ACOT12: variants seen among roughly 807,000 people sequenced by gnomAD.
ACOT12 encodes the protein acetyl-coenzyme A thioesterase.
Under a neutral mutation model 67.7 loss-of-function variants are expected in ACOT12, and 51 were observed. The observed-to-expected ratio is 0.75, with a 90% CI of 0.60 to 0.95. The LOEUF (loss-of-function observed/expected upper bound fraction) is 0.95, where lower values mean the gene tolerates loss of function less well. ACOT12 is among the 40% of genes least tolerant of loss of function. The probability of loss-of-function intolerance (pLI) is 0.00; values close to 1 mark genes in which losing one functional copy is unlikely to be tolerated. For synonymous variants in ACOT12, 251 were observed against 244.6 expected, an observed-to-expected ratio of 1.03 and a Z score of -0.24; for missense variants, 734 against 708.1, an observed-to-expected ratio of 1.04 and a Z score of -0.41.
chr5:81,344,192 TC>T lies in ACOT12; in HGVS notation c.947del (p.Gly316GlufsTer10), dbSNP rs757937717. On this transcript the variant is annotated frameshift_variant, in exon 9 of 15. Coordinates refer to ENST00000307624, the MANE Select transcript of ACOT12 (RefSeq NM_130767.3). LOFTEE classifies it high-confidence loss of function. ...ISKDDFRRYR[G>X]AIARKRIRLG... The stretch of plus-strand genomic sequence containing the variant: ...GGCGAATTCGCTTGCGTGCAATAGC[TC>T]CCCGATAGCGTCTGAAATCATCCTT... The T allele has an allele frequency of 3.1e-6, 5 of 1,613,520 alleles. No homozygotes were observed. The South Asian group carries it at 4.4e-5, about 14-fold the overall frequency.
chr5:81,332,664 C>A, intron 12 of ACOT12, 59 bp from the exon 13 acceptor site: 1 of 1,594,984 alleles, frequency 6.3e-7, no homozygotes, highest in Non-Finnish European at 8.6e-7. Context: ...GCATTCACTT[C>A]CCTTATTTGC....
chr5:81,334,662 C>T (rs1201673088), intron 12 of ACOT12, among the ~76,000 whole-genome samples: 1 of 152,214 alleles, frequency 6.6e-6, no homozygotes, highest in Non-Finnish European at 1.5e-5. Context: ...GAAGATGAGC[C>T]TCTATCTTGT....
rs775325942 is a variant in ACOT12, at chr5:81,363,852, C to T, written c.296G>A (p.Gly99Asp). 8 of 1,611,596 alleles carry T rather than the reference C, an allele frequency of 5.0e-6. No individual in the cohort carries two copies. Among genetic ancestry groups the T allele is most frequent in the South Asian group, 2.2e-5 (2 of 90,792 alleles). Residue 99 changes from glycine to aspartate, a missense_variant, in exon 4 of 15, where the codon GGC (glycine) becomes GAC (aspartate). By Grantham distance (94) the Gly-to-Asp change is moderately conservative. Coordinates refer to ENST00000307624, the MANE Select transcript of ACOT12 (RefSeq NM_130767.3). Reference protein sequence around the residue: ...IKVMVQDMLTGIEKLVSVAFS... With the variant: ...IKVMVQDMLTDIEKLVSVAFS... ...AGCCACACTAACAAGCTTCTCAATG[C>T]CAGTGAGCATATCCTGTACCATGAC...
intron 5 of ACOT12, among the ~76,000 whole-genome samples, chr5:81,357,143 C>G (rs908673395): frequency 4.6e-5 from 7 of 152,140 alleles, no homozygotes; most frequent in Non-Finnish European, 1.0e-4. Context: ...TCCTCGCCTT[C>G]CCAACTTTCT....
chr5:81,364,122 C>T (rs1023915822), intron 3 of ACOT12, among the ~76,000 whole-genome samples: 11 of 151,624 alleles, frequency 7.3e-5, no homozygotes, highest in Non-Finnish European at 1.3e-4. Context: ...TGGAATCTGA[C>T]TATCCAGAGT....
At chr5:81,343,532 C>T (rs933952116) in intron 10 of ACOT12, among the ~76,000 whole-genome samples, 4 of 152,180 alleles carry the variant, frequency 2.6e-5, no homozygotes, top group South Asian at 4.1e-4. Flanking sequence ...GCACAAGTCA[C>T]GGTGAGATAC....
Position 81,332,467 on chromosome 5 carries a change from A to G in ACOT12, c.1391+10T>C. ...AATATTAATAGAACACTTGGACTGC[A>G]TATACTCACCCATCTTTGAGGGGTT... On this transcript the variant is annotated intron_variant, in intron 13 of 14. Coordinates refer to ENST00000307624, the MANE Select transcript of ACOT12 (RefSeq NM_130767.3). The G allele has an allele frequency of 6.2e-7, 1 of 1,613,880 alleles. No homozygotes were observed.
At chr5:81,370,766 T>A (rs1361994392) in intron 3 of ACOT12, among the ~76,000 whole-genome samples, 1 of 152,150 alleles carries the variant, frequency 6.6e-6, no homozygotes, top group African/African-American at 2.4e-5. Context: ...GGCCACCCAG[T>A]CTGTGGTGCT....
intron 4 of ACOT12, 147 bp from the exon 5 acceptor site, chr5:81,360,185 C>T: frequency 1.4e-6 from 1 of 722,126 alleles, no homozygotes; most frequent in African/African-American, 1.9e-5. Flanking sequence ...CATGTTATGA[C>T]TAAATTTTTT....
chr5:81,388,847 T>C (rs1005552033), intron 1 of ACOT12, among the ~76,000 whole-genome samples: 2 of 152,120 alleles, frequency 1.3e-5, no homozygotes, highest in Admixed American at 1.3e-4. Context: ...CTCATAATAG[T>C]GAATAAGCCT....
At chr5:81,317,486 A>G in the ACOT12 span, among the ~76,000 whole-genome samples, 3 of 149,766 alleles carry the variant, frequency 2.0e-5, no homozygotes, top group African/African-American at 5.0e-5. Context: ...TGGGCAAGAA[A>G]GCGAGACTCC....
chr5:81,321,813 G>A, the ACOT12 span, among the ~76,000 whole-genome samples: 1 of 152,098 alleles, frequency 6.6e-6, no homozygotes, highest in Non-Finnish European at 1.5e-5. Flanking sequence ...TGGGCATGGT[G>A]GTGCATGCCT....
At chr5:81,357,525 G>A (rs1158666179) in intron 5 of ACOT12, among the ~76,000 whole-genome samples, 1 of 151,822 alleles carries the variant, frequency 6.6e-6, no homozygotes, top group Non-Finnish European at 1.5e-5. Context: ...CATGCACCGG[G>A]GCAAACTGGC....
At chr5:81,349,872 C>T (rs564221235) in intron 5 of ACOT12, among the ~76,000 whole-genome samples, 27 of 152,316 alleles carry the variant, frequency 1.8e-4, no homozygotes, top group Non-Finnish European at 3.4e-4. Flanking sequence ...ACACTTCTGT[C>T]TGCTGTTGAT....
intron 1 of ACOT12, among the ~76,000 whole-genome samples, chr5:81,393,425 C>T (rs1404351681): frequency 6.6e-6 from 1 of 152,148 alleles, no homozygotes; most frequent in Non-Finnish European, 1.5e-5. Context: ...GGTGCGGTGG[C>T]TCATGCCTGT....
At chr5:81,325,183 G>A (rs531284723), downstream of ACOT12, among the ~76,000 whole-genome samples, 7 of 152,140 alleles carry the variant, frequency 4.6e-5, no homozygotes, top group Non-Finnish European at 1.0e-4. Flanking sequence ...GCGCATGGAT[G>A]GGAATAGGAA....
chr5:81,347,774 C>A lies in ACOT12; in HGVS notation c.653G>T (p.Ser218Ile). 1 of 1,613,662 alleles carries A rather than the reference C, an allele frequency of 6.2e-7. No individual in the cohort carries two copies. The highest frequency in any genetic ancestry group is 8.5e-7 in the Non-Finnish European group (1 of 1,179,818). ...WMETVATISA[S>I]RLCWAHPFLK... Reference sequence around the variant, plus strand: ...TAGGCCGAAGGTCAAAACCAAGAACCTTGCAGAAATAGTAGCCACTGTCTC... The same window carrying A: ...TAGGCCGAAGGTCAAAACCAAGAACATTGCAGAAATAGTAGCCACTGTCTC... The change falls in exon 6 of 15, where the codon AGC (serine) becomes ATC (isoleucine). Residue 218 changes from serine (S) to isoleucine (I), a missense_variant and splice_region_variant. Transcript: ENST00000307624.
chr5:81,326,157 C>T (rs571327855), downstream of ACOT12, among the ~76,000 whole-genome samples: 203 of 124,680 alleles, frequency 1.6e-3, 1 homozygote, highest in African/African-American at 5.7e-3. Context: ...GTCGAAGTCT[C>T]GCCCTGTTGC....
chr5:81,362,207 C>A (rs188623841), intron 4 of ACOT12, among the ~76,000 whole-genome samples: 2 of 149,494 alleles, frequency 1.3e-5, no homozygotes, highest in Admixed American at 1.3e-4. Context: ...CTCTTGTTGC[C>A]CAGGCTGGAG....
Sources: allele counts gnomAD v4.1 joint callset (sites outside exome capture counted in the v4.1 genomes callset), GRCh38; gene constraint gnomAD v4.1.1; transcripts MANE v1.5; gene names NCBI Gene and HGNC (gene_info 2026-07-23, HGNC 2026-07-21).